CAMK2D: variants seen among roughly 807,000 people sequenced by gnomAD.
The protein encoded by CAMK2D is calcium/calmodulin dependent protein kinase II delta.
In CAMK2D, 37 loss-of-function variants were observed where a neutral mutation model predicts 84.0. The observed-to-expected ratio is 0.44, with a 90% confidence interval of 0.34 to 0.58. The LOEUF is 0.58. Among genes scored for constraint, CAMK2D ranks in the 20% least tolerant of loss-of-function variants. The pLI, the probability that CAMK2D is intolerant of heterozygous loss-of-function variation, is 0.02. For synonymous variants in CAMK2D, 202 were observed against 212.5 expected, an observed-to-expected ratio of 0.95 and a Z score of 0.43; for missense variants, 448 against 652.5, an observed-to-expected ratio of 0.69 and a Z score of 3.41.
intron 16 of CAMK2D, among the ~76,000 whole-genome samples, chr4:113,483,843 A>G (rs1211942545): frequency 6.6e-6 from 1 of 152,242 alleles, no homozygotes; most frequent in Non-Finnish European, 1.5e-5. Flanking sequence ...GCAGAAATAC[A>G]TAAGGGAACT....
chr4:113,718,564 C>A (rs1013110534), intron 2 of CAMK2D, among the ~76,000 whole-genome samples: 1 of 152,190 alleles, frequency 6.6e-6, no homozygotes, highest in Non-Finnish European at 1.5e-5. Context: ...CTGTATGACT[C>A]CCAAACCATA....
At chr4:113,647,382 A>G (rs1330237480) in intron 3 of CAMK2D, among the ~76,000 whole-genome samples, 1 of 152,278 alleles carries the variant, frequency 6.6e-6, no homozygotes, top group Non-Finnish European at 1.5e-5. Context: ...AAGAAGATGC[A>G]CTGCCTACTT....
In CAMK2D at chr4:113,663,123, A is replaced by G. The variant is rs7660823; in HGVS notation, c.161-1351T>C. On this transcript the variant is annotated intron_variant, in intron 2 of 20. Coordinates refer to ENST00000511664, the MANE Select transcript of CAMK2D (RefSeq NM_001321571.2). ...ATTATCTAAAATTATACCTACTTCA[A>G]ATAAATGTAAATTCTTCAAACTCCC... is the stretch of plus-strand genomic sequence containing the variant. Among the ~76,000 whole-genome samples the G allele has an allele frequency of 5.7e-3, 875 of 152,322 alleles. 15 individuals are homozygous for G. Among genetic ancestry groups the G allele is most frequent in the African/African-American group, 0.02 (828 of 41,558 alleles).
At position 113,685,350 on chromosome 4, in the gene CAMK2D, C is replaced by T. The variant is rs529460746; in HGVS notation, c.161-23578G>A. 3.9e-5 allele frequency among the ~76,000 whole-genome samples: 6 copies of T among 152,046 alleles called. No individual in the cohort carries two copies. The East Asian group carries it at 1.2e-3, about 30-fold the overall frequency. The stretch of plus-strand genomic sequence containing the variant: ...GCCTCCCAGGGCTCAAGCAATCCTC[C>T]CACCTCAGCCTCCCAAGTAGCTGGA... On this transcript the variant is annotated intron_variant, in intron 2 of 20. Coordinates refer to ENST00000511664, the MANE Select transcript of CAMK2D (RefSeq NM_001321571.2).
chr4:113,576,368 A>G (rs1412636254), intron 4 of CAMK2D, among the ~76,000 whole-genome samples: 3 of 148,390 alleles, frequency 2.0e-5, no homozygotes, highest in Admixed American at 1.3e-4. Flanking sequence ...TAATGAAAAT[A>G]AGATATTCTC....
chr4:113,696,149 A>C (rs1164705819), intron 2 of CAMK2D, among the ~76,000 whole-genome samples: 1 of 151,582 alleles, frequency 6.6e-6, no homozygotes, highest in African/African-American at 2.4e-5. Context: ...CATCATATTT[A>C]AAATTGCAAC....
intron 2 of CAMK2D, among the ~76,000 whole-genome samples, chr4:113,667,416 G>T (rs920802821): frequency 6.6e-6 from 1 of 152,188 alleles, no homozygotes. Flanking sequence ...TGAGAACCTA[G>T]AGATCCTCTC....
intron 2 of CAMK2D, among the ~76,000 whole-genome samples, chr4:113,757,380 A>G (rs2099630823): frequency 6.6e-6 from 1 of 152,136 alleles, no homozygotes; most frequent in Non-Finnish European, 1.5e-5. Context: ...CTGCTATTTT[A>G]CAGATGAAGA....
rs143621628 is a variant in CAMK2D at position 113,758,606 on chromosome 4, G to C, written c.160+714C>G. On this transcript the variant is annotated intron_variant, in intron 2 of 20. Transcript: ENST00000511664. ...TAATTGGAATGCCTAACATTTCAGCGTAAGTACTTTTGCATGAGTTCTACT... is the reference window on the plus strand; with the variant it reads ...TAATTGGAATGCCTAACATTTCAGCCTAAGTACTTTTGCATGAGTTCTACT... 4.0e-3 allele frequency among the ~76,000 whole-genome samples: 608 copies of C among 152,226 alleles called. 3 individuals carry two copies. The highest frequency in any genetic ancestry group is 0.037 in the Middle Eastern group (11 of 294).
chr4:113,597,890 G>A (rs1300542561), intron 4 of CAMK2D, among the ~76,000 whole-genome samples: 1 of 152,140 alleles, frequency 6.6e-6, no homozygotes, highest in African/African-American at 2.4e-5. Flanking sequence ...TGTGTCTCAG[G>A]GAATAGGAAG....
intron 2 of CAMK2D, among the ~76,000 whole-genome samples, chr4:113,674,544 G>A (rs1385302004): frequency 2.6e-5 from 4 of 151,990 alleles, no homozygotes; most frequent in Non-Finnish European, 5.9e-5. Flanking sequence ...AATTGTCTGT[G>A]GTTCCTTCTA....
At chr4:113,496,553 A>G (rs1255368484) in intron 16 of CAMK2D, among the ~76,000 whole-genome samples, 1 of 150,024 alleles carries the variant, frequency 6.7e-6, no homozygotes, top group Non-Finnish European at 1.5e-5. Flanking sequence ...GGTTCAAGTG[A>G]TTCTCATGCC....
chr4:113,647,190 G>A (rs114663853), intron 3 of CAMK2D, among the ~76,000 whole-genome samples: 2 of 152,034 alleles, frequency 1.3e-5, no homozygotes, highest in African/African-American at 2.4e-5. Flanking sequence ...GATTGCCAAG[G>A]TTGCCTAATA....
intron 6 of CAMK2D, among the ~76,000 whole-genome samples, chr4:113,541,597 GT>G: frequency 6.6e-6 from 1 of 152,090 alleles, no homozygotes; most frequent in African/African-American, 2.4e-5. Flanking sequence ...TGTTTTACTT[GT>G]TTTTAAATTT....
At chr4:113,515,706 T>C (rs966973148) in intron 9 of CAMK2D, among the ~76,000 whole-genome samples, 1 of 152,176 alleles carries the variant, frequency 6.6e-6, no homozygotes, top group Non-Finnish European at 1.5e-5. Context: ...GTGCCAAAAC[T>C]GACCTATTAA....
chr4:113,688,785 G>T (rs2099367747), intron 2 of CAMK2D, among the ~76,000 whole-genome samples: 1 of 151,850 alleles, frequency 6.6e-6, no homozygotes. Flanking sequence ...CCTCATTATT[G>T]CTTCTTGTCT....
At chr4:113,458,796 A>C (rs546117375) in intron 18 of CAMK2D, among the ~76,000 whole-genome samples, 2 of 152,228 alleles carry the variant, frequency 1.3e-5, no homozygotes, top group Admixed American at 1.3e-4. Flanking sequence ...CAAAGCTTAT[A>C]ATTACTGAAA....
At chr4:113,507,925 TTTTG>T (rs150081303) in intron 13 of CAMK2D, among the ~76,000 whole-genome samples, 5 of 152,140 alleles carry the variant, frequency 3.3e-5, no homozygotes, top group South Asian at 2.1e-4. Flanking sequence ...ACATATAGTT[TTTTG>T]TTTGTTTGTT....
chr4:113,611,047 AACACACACACACACAC>A (rs141563975), intron 3 of CAMK2D, among the ~76,000 whole-genome samples: 2 of 148,728 alleles, frequency 1.3e-5, no homozygotes, highest in Non-Finnish European at 3.0e-5. Context: ...ATATACACAT[AACACACACACACACAC>A]ACACACACAC....
Sources: gnomAD v4.1 joint callset for allele counts (sites outside exome capture counted in the v4.1 genomes callset) on GRCh38, gnomAD v4.1.1 for gene constraint, MANE v1.5 for transcripts, NCBI Gene and HGNC (gene_info 2026-07-23, HGNC 2026-07-21) for gene names.